RABGAP1L: variants seen among roughly 807,000 people sequenced by gnomAD.
RABGAP1L encodes the protein rab GTPase-activating protein 1-like.
RABGAP1L carries 63 observed loss-of-function variants against 137.7 expected under a neutral mutation model. The observed-to-expected ratio is 0.46, with a 90% CI of 0.37 to 0.56. The LOEUF is 0.56. Ranked by LOEUF, RABGAP1L falls within the 20% of genes least tolerant of loss-of-function variation. The pLI, the probability that RABGAP1L is intolerant of heterozygous loss-of-function variation, is 0.00. For synonymous variants in RABGAP1L, 431 were observed against 433.7 expected (o/e 0.99, Z 0.08); for missense variants, 1,095 against 1,244.0 (o/e 0.88, Z 1.80).
At chr1:174,269,438 T>C (rs1674368165) in intron 7 of RABGAP1L, among the ~76,000 whole-genome samples, 1 of 152,226 alleles carries the variant, frequency 6.6e-6, no homozygotes, top group South Asian at 2.1e-4. Context: ...TTTGTAGTGA[T>C]AGACATGGGC....
chr1:174,526,205 T>C (rs1296832012), intron 13 of RABGAP1L, among the ~76,000 whole-genome samples: 3 of 152,210 alleles, frequency 2.0e-5, no homozygotes, highest in Admixed American at 1.3e-4. Flanking sequence ...TTGCAAATAT[T>C]GTCTGTTGTG....
At chr1:174,657,245 C>T (rs1310216868) in intron 14 of RABGAP1L, among the ~76,000 whole-genome samples, 1 of 152,116 alleles carries the variant, frequency 6.6e-6, no homozygotes, top group Non-Finnish European at 1.5e-5. Flanking sequence ...TTTATCATTT[C>T]TTTGTGTTGA....
At chr1:174,800,445 G>A (rs966799589) in intron 18 of RABGAP1L, 2 of 1,550,804 alleles carry the variant, frequency 1.3e-6, no homozygotes, top group Admixed American at 2.0e-5. Context: ...TATGCGTGTC[G>A]AGTGCTGGAA....
intron 19 of RABGAP1L, among the ~76,000 whole-genome samples, chr1:174,948,352 C>A (rs565029057): frequency 4.0e-5 from 6 of 151,760 alleles, no homozygotes; most frequent in Non-Finnish European, 8.8e-5. Flanking sequence ...GAGACCCTGT[C>A]TTTACAAAAA....
intron 1 of RABGAP1L, among the ~76,000 whole-genome samples, chr1:174,167,585 T>A (rs985001720): frequency 6.6e-6 from 1 of 152,154 alleles, no homozygotes; most frequent in Admixed American, 6.5e-5. Context: ...AGGAGCACAT[T>A]TTAAAAGGCA....
chr1:174,402,233 C>T (rs569970887), intron 13 of RABGAP1L, among the ~76,000 whole-genome samples: 4 of 151,976 alleles, frequency 2.6e-5, no homozygotes, highest in Non-Finnish European at 5.9e-5. Context: ...TAGTAGAATC[C>T]GTGAACTCAA....
intron 15 of RABGAP1L, among the ~76,000 whole-genome samples, chr1:174,693,012 C>T (rs953351041): frequency 2.6e-5 from 4 of 152,092 alleles, no homozygotes; most frequent in East Asian, 1.9e-4. Flanking sequence ...TCTCCTGCAG[C>T]GCCTTTTGTA....
intron 13 of RABGAP1L, among the ~76,000 whole-genome samples, chr1:174,555,041 G>C (rs1042320404): frequency 6.6e-6 from 1 of 152,060 alleles, no homozygotes; most frequent in Non-Finnish European, 1.5e-5. Context: ...AGTGTGTCCT[G>C]ATAGAGTTCC....
intron 13 of RABGAP1L, among the ~76,000 whole-genome samples, chr1:174,420,683 T>G (rs186111136): frequency 2.0e-5 from 3 of 150,810 alleles, no homozygotes; most frequent in Admixed American, 2.0e-4. Flanking sequence ...TTTTGTTTTT[T>G]TTTTTTTTTG....
chr1:174,296,312 G>GGAGACAGCA (rs1677126897), intron 10 of RABGAP1L, among the ~76,000 whole-genome samples: 1 of 152,198 alleles, frequency 6.6e-6, no homozygotes, highest in Non-Finnish European at 1.5e-5. Flanking sequence ...CCAGCCCTCT[G>GGAGACAGCA]TGCATCTGGA....
At chr1:174,231,003 T>C in intron 3 of RABGAP1L, 142 bp from the exon 4 acceptor site, 1 of 602,378 alleles carries the variant, frequency 1.7e-6, no homozygotes, top group South Asian at 2.4e-5. Context: ...AATCCTAAAA[T>C]TTTAAAATAT....
At chr1:174,877,701 C>T (rs1393851272) in intron 19 of RABGAP1L, 3 of 1,273,532 alleles carry the variant, frequency 2.4e-6, no homozygotes, top group East Asian at 2.4e-5. Flanking sequence ...TTGCTGTTGG[C>T]TTTGTGTTAT....
rs755349843 is a variant in RABGAP1L at position 174,241,695 on chromosome 1, G to A, written c.717+38G>A. 8 of 1,457,442 alleles carry A rather than the reference G, an allele frequency of 5.5e-6. No individual in the cohort carries two copies. The African/African-American group carries it at 1.1e-4, about 21-fold the overall frequency. 90.3% of individuals were successfully genotyped at this position (1,457,442 alleles called of 1,614,324 possible). On this transcript the variant is annotated intron_variant, in intron 5 of 25. Transcript: ENST00000681986. ...TAGTATAGCAATTTGCTATAGAGAT[G>A]AATTAGGGTAATATTTTTGAGCTCT...
chr1:174,317,139 C>A (rs1679449860), intron 11 of RABGAP1L, among the ~76,000 whole-genome samples: 1 of 151,896 alleles, frequency 6.6e-6, no homozygotes, highest in Admixed American at 6.6e-5. Flanking sequence ...CTCTACTTCC[C>A]TGTGGACATG....
At chr1:174,792,753 C>T (rs1016189948) in intron 18 of RABGAP1L, among the ~76,000 whole-genome samples, 3 of 152,234 alleles carry the variant, frequency 2.0e-5, no homozygotes, top group African/African-American at 4.8e-5. Flanking sequence ...TTTCAGATGT[C>T]TGGCTTACTA....
intron 19 of RABGAP1L, among the ~76,000 whole-genome samples, chr1:174,950,969 C>T (rs1009190099): frequency 4.6e-5 from 7 of 152,088 alleles, no homozygotes; most frequent in Non-Finnish European, 5.9e-5. Flanking sequence ...TTCATCAAAC[C>T]CTGAATGATA....
At chr1:174,548,163 C>T in intron 13 of RABGAP1L, 1 of 1,472,200 alleles carries the variant, frequency 6.8e-7, no homozygotes, top group Non-Finnish European at 9.0e-7. Context: ...TACATATGTT[C>T]ATTTTACAAC....
chr1:174,172,143 C>CTTTT (rs375305871), intron 1 of RABGAP1L, among the ~76,000 whole-genome samples: 2 of 120,830 alleles, frequency 1.7e-5, no homozygotes, highest in African/African-American at 5.9e-5. Context: ...ACAGTATCTC[C>CTTTT]TTTTTTTTTT....
intron 4 of RABGAP1L, among the ~76,000 whole-genome samples, chr1:174,237,946 A>G (rs1373616821): frequency 1.6e-4 from 24 of 150,082 alleles, no homozygotes; most frequent in Non-Finnish European, 7.4e-5. Flanking sequence ...GTAGTCCCAT[A>G]TTTCTTGGAG....
Sources: allele counts gnomAD v4.1 joint callset (sites outside exome capture counted in the v4.1 genomes callset), GRCh38; gene constraint gnomAD v4.1.1; transcripts MANE v1.5; gene names NCBI Gene and HGNC (gene_info 2026-07-23, HGNC 2026-07-21).